The following PPARGC1A variants were observed in gnomAD, a reference collection of about 807,000 sequenced individuals.
PPARGC1A encodes PPARG coactivator 1 alpha, also known as peroxisome proliferator-activated receptor gamma coactivator 1-alpha.
A neutral mutation model predicts 88.7 loss-of-function variants in PPARGC1A; 25 were observed. The observed-to-expected ratio is 0.28, with a 90% confidence interval of 0.21 to 0.39. PPARGC1A has a LOEUF of 0.39. Ranked by LOEUF, PPARGC1A falls within the 10% of genes least tolerant of loss-of-function variation. PPARGC1A has a pLI of 1.00. For synonymous variants in PPARGC1A, 363 were observed against 355.6 expected (o/e 1.02, Z -0.24); for missense variants, 880 against 968.7 (o/e 0.91, Z 1.22).
At chr4:23,869,627 G>A (rs1279051759) in intron 2 of PPARGC1A, among the ~76,000 whole-genome samples, 1 of 121,608 alleles carries the variant, frequency 8.2e-6, no homozygotes, top group African/African-American at 3.1e-5. Context: ...AAGCTCTAAG[G>A]TTGTTCATTT....
chr4:24,216,485 G>A, the PPARGC1A span, among the ~76,000 whole-genome samples: 9 of 152,086 alleles, frequency 5.9e-5, no homozygotes, highest in African/African-American at 1.2e-4. Context: ...GGTGTATTCC[G>A]GAGCTGACGT....
chr4:24,348,965 G>A, the PPARGC1A span, among the ~76,000 whole-genome samples: 2 of 152,146 alleles, frequency 1.3e-5, no homozygotes, highest in African/African-American at 4.8e-5. Context: ...GAAGGCTGTT[G>A]TTCAGATTCT....
At chr4:24,465,066 G>C in the PPARGC1A span, among the ~76,000 whole-genome samples, 1 of 152,208 alleles carries the variant, frequency 6.6e-6, no homozygotes, top group East Asian at 1.9e-4. Flanking sequence ...GGGTCTCCCT[G>C]TGTTGCTCAG....
At chr4:24,425,821 C>T in the PPARGC1A span, among the ~76,000 whole-genome samples, 3 of 152,108 alleles carry the variant, frequency 2.0e-5, no homozygotes, top group African/African-American at 4.8e-5. Flanking sequence ...TGTCATGGTG[C>T]CGAATTCCTG....
chr4:23,908,402 A>G (rs34185218), upstream of PPARGC1A, among the ~76,000 whole-genome samples: 113 of 152,302 alleles, frequency 7.4e-4, 1 homozygote, highest in Admixed American at 2.6e-3. Context: ...AAAGTTGAAA[A>G]TAAGTAAAAT....
At chr4:23,901,000 A>T (rs1048809874), upstream of PPARGC1A, among the ~76,000 whole-genome samples, 1 of 152,010 alleles carries the variant, frequency 6.6e-6, no homozygotes, top group Admixed American at 6.6e-5. Flanking sequence ...TGACGTGGGT[A>T]GATCTGGTGT....
the PPARGC1A span, among the ~76,000 whole-genome samples, chr4:24,196,116 G>T: frequency 8.5e-5 from 13 of 152,242 alleles, no homozygotes; most frequent in Admixed American, 1.3e-4. Flanking sequence ...ATTAACACAA[G>T]TTAGCTTTGT....
the PPARGC1A span, among the ~76,000 whole-genome samples, chr4:24,381,306 T>C: frequency 6.6e-6 from 1 of 152,158 alleles, no homozygotes; most frequent in African/African-American, 2.4e-5. Context: ...TTATGGATAA[T>C]TCAGATTTAA....
chr4:24,373,938 A>T, the PPARGC1A span, among the ~76,000 whole-genome samples: 1 of 152,234 alleles, frequency 6.6e-6, no homozygotes, highest in African/African-American at 2.4e-5. Flanking sequence ...ATTCTCTAGC[A>T]AAAGGACCTA....
At chr4:24,137,512 C>T in the PPARGC1A span, among the ~76,000 whole-genome samples, 6 of 152,268 alleles carry the variant, frequency 3.9e-5, no homozygotes, top group South Asian at 2.1e-4. Context: ...TCTCCCCAAC[C>T]CCATTTTACA....
chr4:23,924,470 A>T, the PPARGC1A span, among the ~76,000 whole-genome samples: 2 of 152,248 alleles, frequency 1.3e-5, no homozygotes, highest in Non-Finnish European at 1.5e-5. Context: ...TACTAAAAAT[A>T]CAAAAATTAG....
At chr4:24,121,478 A>C in the PPARGC1A span, among the ~76,000 whole-genome samples, 2 of 152,086 alleles carry the variant, frequency 1.3e-5, no homozygotes, top group African/African-American at 4.8e-5. Flanking sequence ...AATATCACTA[A>C]GGACTGAACA....
the PPARGC1A span, among the ~76,000 whole-genome samples, chr4:24,463,376 T>G: frequency 9.8e-5 from 15 of 152,324 alleles, 1 homozygote; most frequent in South Asian, 3.1e-3. Context: ...CCTTCATAAT[T>G]TTTTCATTTG....
the PPARGC1A span, among the ~76,000 whole-genome samples, chr4:24,185,077 C>A: frequency 6.6e-6 from 1 of 152,096 alleles, no homozygotes; most frequent in Admixed American, 6.6e-5. Context: ...AGTACAGAGA[C>A]TGATCTATGC....
rs1227668847 is a variant in PPARGC1A, at chr4:23,883,682, T to TG, written c.234+1069dup. ...ATTAAGCATGAGTATACCAAAATGT[T>TG]GGCCATTATTGTCATTACTATTATT... On this transcript the variant is annotated intron_variant, in intron 2 of 12. Coordinates refer to ENST00000264867, the MANE Select transcript of PPARGC1A (RefSeq NM_013261.5). 5.9e-5 allele frequency: 9 copies of TG among 152,340 alleles called. No individual in the cohort carries two copies. In the East Asian group the frequency reaches 1.7e-3, roughly 29 times the overall value. 9.4% of individuals were successfully genotyped at this position (152,340 alleles called of 1,614,324 possible).
chr4:24,034,862 G>A, the PPARGC1A span, among the ~76,000 whole-genome samples: 7 of 152,304 alleles, frequency 4.6e-5, no homozygotes, highest in African/African-American at 7.2e-5. Context: ...TACAGTCATC[G>A]ACAGCTGGTC....
the PPARGC1A span, among the ~76,000 whole-genome samples, chr4:24,434,060 T>C: frequency 6.6e-6 from 1 of 152,212 alleles, no homozygotes. Context: ...CCCTGAATTC[T>C]TTTCTGATCC....
chr4:24,387,606 G>T, the PPARGC1A span, among the ~76,000 whole-genome samples: 3 of 151,606 alleles, frequency 2.0e-5, no homozygotes, highest in Non-Finnish European at 2.9e-5. Context: ...TGCTGGTAGC[G>T]CATGCTGGTA....
chr4:23,846,438 T>C (rs1403774255), intron 2 of PPARGC1A, among the ~76,000 whole-genome samples: 1 of 152,202 alleles, frequency 6.6e-6, no homozygotes, highest in Non-Finnish European at 1.5e-5. Flanking sequence ...TAAAAGGAAA[T>C]AAGTGGCAAA....
Sources: allele counts gnomAD v4.1 joint callset (sites outside exome capture counted in the v4.1 genomes callset), GRCh38; gene constraint gnomAD v4.1.1; transcripts MANE v1.5; gene names NCBI Gene and HGNC (gene_info 2026-07-23, HGNC 2026-07-21).